Variants in THRAP3 observed in about 807,000 individuals in gnomAD.
THRAP3 encodes the protein thyroid hormone receptor-associated protein 3.
In THRAP3, 16 loss-of-function variants were observed where a neutral mutation model predicts 101.0. The ratio of observed to expected loss-of-function variants is 0.16; its 90% CI spans 0.11 to 0.24. The LOEUF (loss-of-function observed/expected upper bound fraction) is 0.24, where lower values mean the gene tolerates loss of function less well. THRAP3 is among the 10% of genes least tolerant of loss of function. THRAP3 has a pLI of 1.00. For synonymous variants in THRAP3, 407 were observed against 422.6 expected (o/e 0.96, Z 0.45); for missense variants, 989 against 1,202.7 (o/e 0.82, Z 2.63).
intron 2 of THRAP3, among the ~76,000 whole-genome samples, chr1:36,268,829 G>A (rs1275460904): frequency 2.0e-5 from 3 of 151,784 alleles, no homozygotes; most frequent in East Asian, 3.9e-4. Context: ...AGGTTCAAGC[G>A]ATTCTCCTGC....
intron 1 of THRAP3, among the ~76,000 whole-genome samples, chr1:36,247,231 C>T (rs1470475309): frequency 6.6e-6 from 1 of 152,018 alleles, no homozygotes; most frequent in Non-Finnish European, 1.5e-5. Context: ...GCAGGAGAAG[C>T]TCTTGAACCT....
At chr1:36,240,702 T>C (rs1645144729) in intron 1 of THRAP3, among the ~76,000 whole-genome samples, 1 of 152,178 alleles carries the variant, frequency 6.6e-6, no homozygotes, top group African/African-American at 2.4e-5. Flanking sequence ...GGTATAAATA[T>C]AGGTATCAAA....
intron 2 of THRAP3, among the ~76,000 whole-genome samples, chr1:36,279,356 A>T (rs1326580016): frequency 6.6e-6 from 1 of 152,216 alleles, no homozygotes; most frequent in Non-Finnish European, 1.5e-5. Context: ...TGAACTTGTG[A>T]CAGAAATAAA....
chr1:36,293,721 A>G, intron 7 of THRAP3, 130 bp from the exon 8 acceptor site: 1 of 678,498 alleles, frequency 1.5e-6, no homozygotes, highest in South Asian at 1.8e-5. Context: ...TAAAAGTAAT[A>G]GATACATAAG....
At chr1:36,275,406 C>G (rs534779281) in intron 2 of THRAP3, among the ~76,000 whole-genome samples, 1 of 148,478 alleles carries the variant, frequency 6.7e-6, no homozygotes, top group East Asian at 2.1e-4. Flanking sequence ...GCTAACATGG[C>G]GAAACCCTGT....
intron 1 of THRAP3, among the ~76,000 whole-genome samples, chr1:36,233,747 C>G (rs1013266364): frequency 3.9e-5 from 6 of 151,946 alleles, no homozygotes; most frequent in Non-Finnish European, 2.9e-5. Flanking sequence ...GCCTGGGTGA[C>G]AAAGTGAGAC....
chr1:36,263,690 A>C (rs1169545168), intron 2 of THRAP3, among the ~76,000 whole-genome samples: 1 of 152,192 alleles, frequency 6.6e-6, no homozygotes, highest in Non-Finnish European at 1.5e-5. Flanking sequence ...TTAAGCCGCC[A>C]GCTGTGCTAT....
At chr1:36,281,904 C>T (rs772127244) in intron 2 of THRAP3, among the ~76,000 whole-genome samples, 1 of 151,990 alleles carries the variant, frequency 6.6e-6, no homozygotes, top group African/African-American at 2.4e-5. Context: ...AACCCTGTCT[C>T]TACTAAAAAT....
In THRAP3 at chr1:36,286,508, T is replaced by G; in HGVS notation, c.278T>G (p.Phe93Cys). Reference sequence around the variant, plus strand: ...TATTTCCGTGGGCGTAACAGAGGCTTTTATCCATGGGGCCAATATAACCGA... The same window carrying G: ...TATTTCCGTGGGCGTAACAGAGGCTGTTATCCATGGGGCCAATATAACCGA... ...PYYFRGRNRGFYPWGQYNRGG... is the reference protein window; with the variant it reads ...PYYFRGRNRGCYPWGQYNRGG... Residue 93 changes from phenylalanine to cysteine, a missense_variant, in exon 4 of 12, where the codon TTT becomes TGT. Phe to Cys is a radical substitution (Grantham distance 205). Transcript: ENST00000354618. This position sits in a 1 kb window ranked among gnomAD's most constrained non-coding sequence, Gnocchi z 5.5. 6.2e-7 allele frequency: 1 copy of G among 1,614,096 alleles called. No individual in the cohort carries two copies. The highest frequency in any genetic ancestry group is 8.5e-7 in the Non-Finnish European group (1 of 1,180,016).
chr1:36,296,778 A>AGCCCCTGTTAC lies in THRAP3; in HGVS notation c.2303+9_2303+19dup, dbSNP rs1645957567. Reference sequence around the variant, plus strand: ...AGGATCAAAGAAACAGAAGTACGTAAGCCCCTGTTACCCCTTCCAGACTCT... The same window carrying AGCCCCTGTTAC: ...AGGATCAAAGAAACAGAAGTACGTAAGCCCCTGTTACGCCCCTGTTACCCCTTCCAGACTCT... On this transcript the variant is annotated intron_variant, in intron 9 of 11. Transcript: ENST00000354618. The AGCCCCTGTTAC allele has an allele frequency of 1.0e-5, 16 of 1,578,030 alleles. 1 individual carries two copies. The East Asian group carries it at 3.6e-4, about 36-fold the overall frequency.
chr1:36,271,838 C>T (rs1352204578), intron 2 of THRAP3, among the ~76,000 whole-genome samples: 1 of 151,720 alleles, frequency 6.6e-6, no homozygotes, highest in Non-Finnish European at 1.5e-5. Context: ...AGGTGATCAG[C>T]CCGCCTCGGC....
At chr1:36,299,718 A>G (rs997902215) in intron 9 of THRAP3, among the ~76,000 whole-genome samples, 3 of 152,060 alleles carry the variant, frequency 2.0e-5, no homozygotes, top group Non-Finnish European at 4.4e-5. Flanking sequence ...CATGTTGGCC[A>G]GGCTGGTCTC....
intron 2 of THRAP3, among the ~76,000 whole-genome samples, chr1:36,266,603 G>T (rs1371875732): frequency 1.3e-5 from 2 of 152,158 alleles, no homozygotes; most frequent in African/African-American, 4.8e-5. Context: ...TCTCTTGCTG[G>T]TTCTGATGGA....
intron 5 of THRAP3, 93 bp downstream of exon 5, chr1:36,289,857 C>T (rs753230837): frequency 8.2e-6 from 12 of 1,461,196 alleles, no homozygotes; most frequent in Non-Finnish European, 1.1e-5. Flanking sequence ...TGTATTCCCC[C>T]TTCTGTCTTA....
chr1:36,228,774 A>G (rs1320405205), intron 1 of THRAP3, among the ~76,000 whole-genome samples: 3 of 152,182 alleles, frequency 2.0e-5, no homozygotes. Context: ...TCCTTCTACC[A>G]TATTCGTTAG....
upstream of THRAP3, among the ~76,000 whole-genome samples, chr1:36,220,953 CAAAAAA>C (rs1206488922): frequency 2.3e-5 from 1 of 44,402 alleles, no homozygotes; most frequent in Non-Finnish European, 3.8e-5. Context: ...GAGACTGTCT[CAAAAAA>C]AAAAAAAAAA....
intron 4 of THRAP3, chr1:36,288,299 T>C: frequency 1.2e-6 from 1 of 837,944 alleles, no homozygotes. Context: ...TTTTTTATCC[T>C]TGCCCCCTCC....
intron 2 of THRAP3, among the ~76,000 whole-genome samples, chr1:36,263,467 A>T (rs1284895957): frequency 6.6e-6 from 1 of 152,204 alleles, no homozygotes; most frequent in East Asian, 1.9e-4. Context: ...GAAAAGATTT[A>T]TCATAATGAG....
At chr1:36,278,043 G>A (rs1200838436) in intron 2 of THRAP3, among the ~76,000 whole-genome samples, 6 of 149,994 alleles carry the variant, frequency 4.0e-5, no homozygotes, top group Non-Finnish European at 7.4e-5. Flanking sequence ...GTGGGGTTAC[G>A]GTCGTGAGCC....
Sources: gnomAD v4.1 joint callset for allele counts (sites outside exome capture counted in the v4.1 genomes callset) on GRCh38, gnomAD v4.1.1 for gene constraint, Gnocchi (gnomAD v3.1) non-coding constraint, MANE v1.5 for transcripts, NCBI Gene and HGNC (gene_info 2026-07-23, HGNC 2026-07-21) for gene names.